Variants in HEG1 observed in about 807,000 individuals in gnomAD.
HEG1 encodes heart development protein with EGF like domains 1, also known as protein HEG homolog 1.
Under a neutral mutation model 125.6 loss-of-function variants are expected in HEG1, and 56 were observed. That is an observed-to-expected ratio of 0.45 (90% CI 0.36 to 0.56). HEG1 has a LOEUF of 0.56. Among genes scored for constraint, HEG1 ranks in the 20% least tolerant of loss-of-function variants. The pLI, the probability that HEG1 is intolerant of heterozygous loss-of-function variation, is 0.00. For synonymous variants in HEG1, 644 were observed against 668.5 expected (o/e 0.96, Z 0.57); for missense variants, 1,523 against 1,670.0 (o/e 0.91, Z 1.53).
chr3:125,001,101 C>A (rs1936992544), intron 11 of HEG1, among the ~76,000 whole-genome samples: 2 of 152,178 alleles, frequency 1.3e-5, no homozygotes, highest in South Asian at 2.1e-4. Context: ...ACAGACAAAG[C>A]AAGAATGAGA....
intron 1 of HEG1, among the ~76,000 whole-genome samples, chr3:125,040,853 T>C (rs555357696): frequency 4.9e-4 from 74 of 152,110 alleles, no homozygotes; most frequent in African/African-American, 1.6e-3. Context: ...TTCCCACAGA[T>C]CAAATTAAGA....
Position 124,997,799 on chromosome 3 carries a change from C to T in HEG1, c.3542G>A (p.Ser1181Asn), listed in dbSNP as rs781279409. ...FRAGSLCKRK[S>N]PECDKDTSIC... ...GGAGGTGTCTTTGTCACATTCGGGA[C>T]TCTTCCGCTTGCACAAGCTGCCCGC... is the stretch of plus-strand genomic sequence containing the variant. The change falls in exon 12 of 17, where the codon AGT (serine) becomes AAT (asparagine). Residue 1181 changes from serine to asparagine, a missense_variant. Ser to Asn is a conservative substitution (Grantham distance 46). Coordinates refer to ENST00000311127, the MANE Select transcript of HEG1 (RefSeq NM_020733.2). 1 of 1,585,160 alleles carries T rather than the reference C, an allele frequency of 6.3e-7. No individual in the cohort carries two copies. The highest frequency in any genetic ancestry group is 2.3e-5 in the East Asian group (1 of 43,888).
chr3:125,033,955 C>T (rs939628696), intron 1 of HEG1, among the ~76,000 whole-genome samples: 1 of 152,146 alleles, frequency 6.6e-6, no homozygotes, highest in Admixed American at 6.5e-5. Flanking sequence ...CATCCCAACC[C>T]CCGGCCCACC....
rs1937002214 is a variant in HEG1 at position 125,001,729 on chromosome 3, C to T, written c.3517+123G>A. On this transcript the variant is annotated intron_variant, in intron 11 of 16. Coordinates refer to ENST00000311127, the MANE Select transcript of HEG1 (RefSeq NM_020733.2). ...TGCACAAAGGTCTTTGACTTAACAC[C>T]CATGCCAAAAATAGGCTCTGTGAGG... is the stretch of plus-strand genomic sequence containing the variant. 3.9e-6 allele frequency: 4 copies of T among 1,031,358 alleles called. No homozygotes were observed. The South Asian group carries it at 6.6e-5, about 17-fold the overall frequency. The allele number at this position is 1,031,358 out of a possible 1,614,324, so 63.9% of individuals were successfully genotyped here.
At chr3:125,017,747 A>G (rs7648085) in intron 5 of HEG1, among the ~76,000 whole-genome samples, 103,336 of 151,896 alleles carry the variant, frequency 0.68, 35,721 homozygotes, top group East Asian at 0.88. Flanking sequence ...ATGGCCAGGC[A>G]TGGTGGCTCA....
At position 125,029,289 on chromosome 3, in the gene HEG1, C is replaced by A; in HGVS notation, c.516G>T (p.Arg172Ser). The change falls in exon 2 of 17, where the codon AGG becomes AGT. Residue 172 changes from arginine to serine, a missense_variant. Coordinates refer to ENST00000311127, the MANE Select transcript of HEG1 (RefSeq NM_020733.2). ...LLAETADARG[R>S]SGSSSRTNFT... ...AGTTTGTTCTACTTGAAGAGCCGCTCCTTCCTCTAGCATCTGCTGTTTCAG... is the reference window on the plus strand; with the variant it reads ...AGTTTGTTCTACTTGAAGAGCCGCTACTTCCTCTAGCATCTGCTGTTTCAG... The A allele has an allele frequency of 6.2e-7, 1 of 1,613,942 alleles. No homozygotes were observed. The highest frequency in any genetic ancestry group is 1.1e-5 in the South Asian group (1 of 91,072).
chr3:125,040,088 A>C lies in HEG1; in HGVS notation c.317-10600T>G, dbSNP rs548390798. ...GCATAACGAAAAGAATAAGAGAGAA[A>C]GAGTGGAGCCATAACGGAGAATGAG... is the stretch of plus-strand genomic sequence containing the variant. On this transcript the variant is annotated intron_variant, in intron 1 of 16. Transcript: ENST00000311127. Among the ~76,000 whole-genome samples, 5 of 152,334 alleles carry C rather than the reference A, an allele frequency of 3.3e-5. No individual in the cohort carries two copies. The South Asian group carries it at 8.3e-4, about 25-fold the overall frequency.
chr3:125,006,500 C>A (rs879523405), intron 8 of HEG1, among the ~76,000 whole-genome samples: 1 of 152,106 alleles, frequency 6.6e-6, no homozygotes, highest in African/African-American at 2.4e-5. Flanking sequence ...GCCTGCATGC[C>A]GAATTGAGAA....
intron 5 of HEG1, among the ~76,000 whole-genome samples, chr3:125,014,302 T>C (rs1257772286): frequency 6.6e-6 from 1 of 152,208 alleles, no homozygotes; most frequent in Non-Finnish European, 1.5e-5. Context: ...TTCCTCCACA[T>C]GCCTTTTTCG....
intron 14 of HEG1, among the ~76,000 whole-genome samples, chr3:124,988,747 T>G (rs1936785289): frequency 6.6e-6 from 1 of 152,054 alleles, no homozygotes; most frequent in Non-Finnish European, 1.5e-5. Context: ...TAAAACCCCG[T>G]CTCTACTAAA....
rs1419406129 is a variant in HEG1, at chr3:125,009,824, T to C, written c.3074A>G (p.Asp1025Gly). 1.2e-6 allele frequency: 2 copies of C among 1,610,480 alleles called. No homozygotes were observed. The highest frequency in any genetic ancestry group is 1.7e-6 in the Non-Finnish European group (2 of 1,177,764). Residue 1025 changes from aspartate (D) to glycine (G), a missense_variant and splice_region_variant, in exon 8 of 17, where the codon GAT becomes GGT. Coordinates refer to ENST00000311127, the MANE Select transcript of HEG1 (RefSeq NM_020733.2). ...PSWQGDDCSV[D>G]VNECLSNPCP... Reference sequence around the variant, plus strand: ...GGGGTTCGACAGGCACTCATTCACATCTGTAGAGGAGAAAAAAGAAGAACA... The same window carrying C: ...GGGGTTCGACAGGCACTCATTCACACCTGTAGAGGAGAAAAAAGAAGAACA...
Position 124,970,601 on chromosome 3 carries a change from A to C in HEG1, c.*51T>G. 3 of 1,524,020 alleles carry C rather than the reference A, an allele frequency of 2.0e-6. No individual in the cohort carries two copies. The highest frequency in any genetic ancestry group is 2.7e-6 in the Non-Finnish European group (3 of 1,120,552). 94.4% of individuals were successfully genotyped at this position (1,524,020 alleles called of 1,614,324 possible). A position where few individuals can be genotyped will look rare whatever the true frequency, so the allele number is the denominator to read the frequency against. On this transcript the variant is annotated 3_prime_UTR_variant, in exon 17 of 17. Coordinates refer to ENST00000311127, the MANE Select transcript of HEG1 (RefSeq NM_020733.2). Reference sequence around the variant, plus strand: ...AGCCTCCTGGTGCGGTCCTCTGAGCAGAGGTCCCAGGTGACTGGCTCAGAG... The same window carrying C: ...AGCCTCCTGGTGCGGTCCTCTGAGCCGAGGTCCCAGGTGACTGGCTCAGAG...
chr3:124,995,255 C>A (rs551707001), intron 12 of HEG1, among the ~76,000 whole-genome samples: 2 of 151,730 alleles, frequency 1.3e-5, no homozygotes, highest in African/African-American at 4.8e-5. Flanking sequence ...GACTTGATTG[C>A]GCCACTGCAC....
chr3:125,002,056 C>G, intron 10 of HEG1, 44 bp from the exon 11 acceptor site: 2 of 1,608,286 alleles, frequency 1.2e-6, no homozygotes, highest in Non-Finnish European at 1.7e-6. Flanking sequence ...TGAAATGACA[C>G]GTGGGTCCCA....
intron 15 of HEG1, among the ~76,000 whole-genome samples, chr3:124,974,388 T>C (rs1377149879): frequency 6.6e-6 from 1 of 152,050 alleles, no homozygotes; most frequent in African/African-American, 2.4e-5. Context: ...GGGGATAGGA[T>C]GGGGCAGCTC....
In HEG1 at chr3:124,970,315, C is replaced by T. The variant is rs984274289; in HGVS notation, c.*337G>A. The T allele has an allele frequency of 3.9e-5, 8 of 204,154 alleles. No individual in the cohort carries two copies. The highest frequency in any genetic ancestry group is 7.8e-5 in the Non-Finnish European group (8 of 102,474). The allele number at this position is 204,154 out of a possible 1,614,324, so 12.6% of individuals were successfully genotyped here. A position where few individuals can be genotyped will look rare whatever the true frequency, so the allele number is the denominator to read the frequency against. Reference sequence around the variant, plus strand: ...CCCACCCAATTTACTAAAGTGCAAACGAAGGGAAAACCAGGTCCCTGCACT... The same window carrying T: ...CCCACCCAATTTACTAAAGTGCAAATGAAGGGAAAACCAGGTCCCTGCACT... On this transcript the variant is annotated 3_prime_UTR_variant, in exon 17 of 17. Coordinates refer to ENST00000311127, the MANE Select transcript of HEG1 (RefSeq NM_020733.2).
chr3:124,982,342 C>T (rs925521533), intron 14 of HEG1, among the ~76,000 whole-genome samples: 6 of 152,186 alleles, frequency 3.9e-5, no homozygotes, highest in Admixed American at 2.6e-4. Context: ...TTTATGATGA[C>T]GTAGAAGTGC....
intron 4 of HEG1, 61 bp from the exon 5 acceptor site, chr3:125,019,658 C>G: frequency 7.3e-7 from 1 of 1,367,470 alleles, no homozygotes; most frequent in Non-Finnish European, 1.0e-6. Flanking sequence ...CCCTTGGCAA[C>G]TAAGAAGTGA....
rs1937125630 is a variant in HEG1 at position 125,009,828 on chromosome 3, T to C, written c.3074-4A>G. On this transcript the variant is annotated splice_region_variant and splice_polypyrimidine_tract_variant and intron_variant, in intron 7 of 16. Coordinates refer to ENST00000311127, the MANE Select transcript of HEG1 (RefSeq NM_020733.2). ...TTCGACAGGCACTCATTCACATCTG[T>C]AGAGGAGAAAAAAGAAGAACATCTT... 1.9e-6 allele frequency: 3 copies of C among 1,608,978 alleles called. No homozygotes were observed. The highest frequency in any genetic ancestry group is 2.5e-6 in the Non-Finnish European group (3 of 1,176,824).
Sources: allele counts gnomAD v4.1 joint callset (sites outside exome capture counted in the v4.1 genomes callset), GRCh38; gene constraint gnomAD v4.1.1; transcripts MANE v1.5; gene names NCBI Gene and HGNC (gene_info 2026-07-23, HGNC 2026-07-21).